Variants in TRPM6 observed in about 807,000 individuals in gnomAD.
The protein encoded by TRPM6 is transient receptor potential cation channel subfamily M member 6.
A neutral mutation model predicts 247.6 loss-of-function variants in TRPM6; 111 were observed. The observed-to-expected ratio is 0.45, with a 90% CI of 0.38 to 0.52. The LOEUF (loss-of-function observed/expected upper bound fraction) is 0.52. TRPM6 is among the 20% of genes least tolerant of loss of function. The pLI is 0.00. For missense variants in TRPM6, 2,126 were observed against 2,421.5 expected (o/e 0.88, Z 2.56); for synonymous variants, 892 against 853.8 (o/e 1.04, Z -0.78).
At position 74,842,243 on chromosome 9, in the gene TRPM6, T is replaced by G; in HGVS notation, c.253A>C (p.Lys85Gln). The change falls in exon 4 of 39, where the codon AAG (lysine) becomes CAG (glutamine). Residue 85 changes from lysine (K) to glutamine (Q), a missense_variant. Physicochemically the swap from Lys to Gln is moderately conservative, Grantham distance 53 (BLOSUM62 1). Around this residue, in one of 3 missense-constraint regions of TRPM6, gnomAD observed 1,082 missense variants for 1,307.9 expected, o/e 0.83. Coordinates refer to ENST00000360774, the MANE Select transcript of TRPM6 (RefSeq NM_017662.5). ...GKESEQWSVE[K>Q]HTTKSPTDTF... ...TCTGTTGGGCTTTTCGTTGTGTGCTTTTCAACAGACCATTGTTCACTTTCT... is the reference window on the plus strand; with the variant it reads ...TCTGTTGGGCTTTTCGTTGTGTGCTGTTCAACAGACCATTGTTCACTTTCT... 1 of 1,614,206 alleles carries G rather than the reference T, an allele frequency of 6.2e-7. No homozygotes were observed. Among genetic ancestry groups the G allele is most frequent in the Middle Eastern group, 1.6e-4 (1 of 6,062 alleles).
At chr9:74,877,433 T>C (rs1457302414) in intron 1 of TRPM6, among the ~76,000 whole-genome samples, 1 of 152,180 alleles carries the variant, frequency 6.6e-6, no homozygotes. Context: ...GACCATGTGA[T>C]GGCATTGCTC....
At chr9:74,884,536 C>CATAG (rs1554743631) in intron 1 of TRPM6, among the ~76,000 whole-genome samples, 58 of 152,114 alleles carry the variant, frequency 3.8e-4, no homozygotes, top group African/African-American at 1.4e-3. Context: ...TACATACATA[C>CATAG]ATACATACGT....
rs993432206 is a variant in TRPM6 at position 74,782,760 on chromosome 9, G to A, written c.3013C>T (p.Pro1005Ser). 6.2e-7 allele frequency: 1 copy of A among 1,614,020 alleles called. No homozygotes were observed. Among genetic ancestry groups the A allele is most frequent in the South Asian group, 1.1e-5 (1 of 91,086 alleles). ...RKAILSPKEP[P>S]SWSLARDIVF... ...ATATCTCGAGCTAGACTCCAAGATG[G>A]TGGCTCTTTTGGCGAAAGGATGGCC... The change falls in exon 22 of 39, where the codon CCA (proline) becomes TCA (serine). Residue 1005 changes from proline (P) to serine (S), a missense_variant. Pro to Ser is a moderately conservative substitution (Grantham distance 74). Around this residue, in one of 3 missense-constraint regions of TRPM6, gnomAD observed 1,082 missense variants for 1,307.9 expected, o/e 0.83. Coordinates refer to ENST00000360774, the MANE Select transcript of TRPM6 (RefSeq NM_017662.5).
At chr9:74,824,743 G>C (rs1231725725) in intron 7 of TRPM6, among the ~76,000 whole-genome samples, 1 of 152,098 alleles carries the variant, frequency 6.6e-6, no homozygotes, top group Non-Finnish European at 1.5e-5. Context: ...CTTGGATTAC[G>C]AAAAGATACA....
At chr9:74,752,534 T>C (rs948534419) in intron 28 of TRPM6, among the ~76,000 whole-genome samples, 166 bp from the exon 29 acceptor site, 4 of 152,198 alleles carry the variant, frequency 2.6e-5, no homozygotes, top group African/African-American at 9.6e-5. Context: ...ATCCTTTTTT[T>C]CTCAAGAGGT....
intron 38 of TRPM6, 90 bp from the exon 39 acceptor site, chr9:74,724,836 T>A: frequency 6.6e-7 from 1 of 1,519,730 alleles, no homozygotes; most frequent in Non-Finnish European, 9.1e-7. Context: ...TTGCCAAGTG[T>A]TCAGAGAGAT....
chr9:74,744,104 G>T lies in TRPM6; in HGVS notation c.5125C>A (p.His1709Asn). Reference sequence around the variant, plus strand: ...TGCATATGCATCCTACCTGAATAATGATGGTGAGGCTCTTGAGGGCTTTTT... The same window carrying T: ...TGCATATGCATCCTACCTGAATAATTATGGTGAGGCTCTTGAGGGCTTTTT... ...SLKSPQEPHH[H>N]YSAIERNNLM... The change falls in exon 32 of 39, where the codon CAT becomes AAT. Residue 1709 changes from histidine to asparagine, a missense_variant. Coordinates refer to ENST00000360774, the MANE Select transcript of TRPM6 (RefSeq NM_017662.5). 2 of 1,614,036 alleles carry T rather than the reference G, an allele frequency of 1.2e-6. No homozygotes were observed. The highest frequency in any genetic ancestry group is 1.7e-6 in the Non-Finnish European group (2 of 1,179,938).
At position 74,878,602 on chromosome 9, in the gene TRPM6, G is replaced by A. The variant is rs562760457; in HGVS notation, c.33+9222C>T. 7.9e-5 allele frequency among the ~76,000 whole-genome samples: 12 copies of A among 152,150 alleles called. No homozygotes were observed. The South Asian group carries it at 1.0e-3, about 13-fold the overall frequency. On this transcript the variant is annotated intron_variant, in intron 1 of 38. Transcript: ENST00000360774. ...AGCCAAAGTGCCCTACCTAAACACC[G>A]CCACATAAACGTCTTCAGAATACAA...
At chr9:74,807,426 A>G (rs1323782786) in intron 14 of TRPM6, among the ~76,000 whole-genome samples, 2 of 152,178 alleles carry the variant, frequency 1.3e-5, no homozygotes, top group Non-Finnish European at 2.9e-5. Flanking sequence ...GAGTCTCCTC[A>G]GGTTGCTAAT....
intron 3 of TRPM6, among the ~76,000 whole-genome samples, chr9:74,843,574 C>T (rs906435550): frequency 2.6e-5 from 4 of 151,506 alleles, no homozygotes; most frequent in Admixed American, 6.6e-5. Context: ...TTTGGGAGGC[C>T]GAGGCGGGTG....
At chr9:74,737,364 C>T in intron 36 of TRPM6, 1 of 1,288,528 alleles carries the variant, frequency 7.8e-7, no homozygotes. Context: ...CCGGACATTG[C>T]TCATGATGCC....
At chr9:74,824,094 G>GA (rs927838574) in intron 7 of TRPM6, among the ~76,000 whole-genome samples, 10 of 147,652 alleles carry the variant, frequency 6.8e-5, no homozygotes, top group African/African-American at 1.2e-4. Flanking sequence ...ATCCGAAAAA[G>GA]AAAAAAAAAT....
chr9:74,809,718 C>T (rs762134253), intron 13 of TRPM6, among the ~76,000 whole-genome samples: 4 of 152,096 alleles, frequency 2.6e-5, no homozygotes, highest in Non-Finnish European at 5.9e-5. Flanking sequence ...ATGGACCATG[C>T]CTGTAATCCC....
At chr9:74,879,144 A>G (rs930606057) in intron 1 of TRPM6, among the ~76,000 whole-genome samples, 4 of 151,966 alleles carry the variant, frequency 2.6e-5, no homozygotes, top group African/African-American at 9.7e-5. Flanking sequence ...AAAGAACCAA[A>G]AGAAATTCTA....
At chr9:74,872,621 T>TGTGTGTGTGC (rs775789817) in intron 1 of TRPM6, among the ~76,000 whole-genome samples, 1 of 151,894 alleles carries the variant, frequency 6.6e-6, no homozygotes, top group African/African-American at 2.4e-5. Context: ...TGTGTGTGTG[T>TGTGTGTGTGC]GTGCATGCGC....
rs1444876252 is a variant in TRPM6, at chr9:74,774,964, T to C, written c.3403+919A>G. On this transcript the variant is annotated intron_variant, in intron 24 of 38. Coordinates refer to ENST00000360774, the MANE Select transcript of TRPM6 (RefSeq NM_017662.5). ...TTAGATTTAGGAATTGGGAAGAGGA[T>C]TGCGCATTTATGCCCCCTGCTTCCT... Among the ~76,000 whole-genome samples, 5 of 152,328 alleles carry C rather than the reference T, an allele frequency of 3.3e-5. No homozygotes were observed. In the East Asian group the frequency reaches 9.7e-4, roughly 29 times the overall value.
At chr9:74,811,970 T>C (rs1454998587) in intron 12 of TRPM6, among the ~76,000 whole-genome samples, 1 of 152,200 alleles carries the variant, frequency 6.6e-6, no homozygotes, top group Non-Finnish European at 1.5e-5. Flanking sequence ...TTATGGACCT[T>C]AAAGTGGGAG....
chr9:74,824,142 A>C (rs967617367), intron 7 of TRPM6, among the ~76,000 whole-genome samples: 1 of 150,552 alleles, frequency 6.6e-6, no homozygotes, highest in Non-Finnish European at 1.5e-5. Flanking sequence ...AGAGAATTCA[A>C]TTTCTGTTAG....
At chr9:74,785,388 A>T (rs1827607431) in intron 21 of TRPM6, among the ~76,000 whole-genome samples, 1 of 152,224 alleles carries the variant, frequency 6.6e-6, no homozygotes, top group African/African-American at 2.4e-5. Context: ...TGTTTGTAAC[A>T]CAAAGGATTA....
Sources: gnomAD v4.1 joint callset for allele counts (sites outside exome capture counted in the v4.1 genomes callset) on GRCh38, gnomAD v4.1.1 for gene constraint, gnomAD v4.1.1 regional missense constraint, MANE v1.5 for transcripts, NCBI Gene and HGNC (gene_info 2026-07-23, HGNC 2026-07-21) for gene names.